Variants in KDM2B observed in about 807,000 individuals in gnomAD.
KDM2B encodes the protein lysine-specific demethylase 2B.
A neutral mutation model predicts 150.0 loss-of-function variants in KDM2B; 26 were observed. The observed-to-expected ratio is 0.17, with a 90% CI of 0.13 to 0.24. KDM2B has a LOEUF of 0.24. KDM2B is among the 10% of genes least tolerant of loss of function. The probability of loss-of-function intolerance (pLI) is 1.00; values close to 1 mark genes in which losing one functional copy is unlikely to be tolerated. For synonymous variants in KDM2B, 734 were observed against 729.5 expected (o/e 1.01, Z -0.10); for missense variants, 1,265 against 1,816.9 (o/e 0.70, Z 5.52).
At chr12:121,502,576 A>G (rs1454278878) in intron 11 of KDM2B, among the ~76,000 whole-genome samples, 1 of 151,742 alleles carries the variant, frequency 6.6e-6, no homozygotes, top group African/African-American at 2.4e-5. Context: ...AGCCAAGATC[A>G]CACCACTGCA....
chr12:121,430,590 G>A lies in KDM2B; in HGVS notation c.3830-121C>T, dbSNP rs374199237. On this transcript the variant is annotated intron_variant, in intron 22 of 22. Transcript: ENST00000377071. The surrounding 1 kb of genome is among the most constrained non-coding windows in gnomAD (Gnocchi z 4.4). ...AGCTCTACATATTCCAGTCCCTGCT[G>A]TGCTGCACTAAATAAAATGTTATTT... 11 of 695,538 alleles carry A rather than the reference G, an allele frequency of 1.6e-5. No homozygotes were observed. Among genetic ancestry groups the A allele is most frequent in the Middle Eastern group, 3.4e-4 (1 of 2,946 alleles). 43.1% of individuals were successfully genotyped at this position (695,538 alleles called of 1,614,324 possible).
At chr12:121,552,062 T>C (rs1314096376) in intron 4 of KDM2B, among the ~76,000 whole-genome samples, 2 of 152,220 alleles carry the variant, frequency 1.3e-5, no homozygotes, top group Non-Finnish European at 2.9e-5. Flanking sequence ...ACACAGCAAC[T>C]GGCTCAAGCT....
chr12:121,542,270 T>C (rs782660039), intron 6 of KDM2B, among the ~76,000 whole-genome samples: 1 of 152,180 alleles, frequency 6.6e-6, no homozygotes, highest in East Asian at 1.9e-4. Flanking sequence ...TGGAAGCGGA[T>C]CTTCCAGCCC....
intron 8 of KDM2B, among the ~76,000 whole-genome samples, chr12:121,530,089 A>G (rs888807861): frequency 2.0e-5 from 3 of 151,644 alleles, no homozygotes; most frequent in South Asian, 2.1e-4. Flanking sequence ...TTAGCCAGGC[A>G]TGGTGGCGGG....
chr12:121,517,439 C>A (rs1566367000), intron 9 of KDM2B, among the ~76,000 whole-genome samples: 1 of 151,598 alleles, frequency 6.6e-6, no homozygotes. Flanking sequence ...GGGGTCCCCA[C>A]CTTGGGCCAC....
chr12:121,529,204 C>G (rs192226953), intron 8 of KDM2B, among the ~76,000 whole-genome samples: 116 of 152,238 alleles, frequency 7.6e-4, no homozygotes, highest in African/African-American at 2.6e-3. Context: ...TGATACACCA[C>G]GTAAACAGAA....
intron 12 of KDM2B, among the ~76,000 whole-genome samples, chr12:121,460,537 T>C (rs1878962794): frequency 6.6e-6 from 1 of 152,222 alleles, no homozygotes; most frequent in African/African-American, 2.4e-5. Context: ...GTAGCCGAGA[T>C]ACAGGCATGT....
chr12:121,482,397 G>A (rs1882251847), intron 12 of KDM2B, among the ~76,000 whole-genome samples: 1 of 151,960 alleles, frequency 6.6e-6, no homozygotes, highest in Non-Finnish European at 1.5e-5. Flanking sequence ...CTGCCTCCTG[G>A]GTTCAAGCAA....
chr12:121,447,153 T>A (rs1189753905), intron 13 of KDM2B, among the ~76,000 whole-genome samples: 1 of 152,178 alleles, frequency 6.6e-6, no homozygotes, highest in African/African-American at 2.4e-5. Context: ...GTAGTATATA[T>A]CTGTGTGAGG....
Position 121,430,409 on chromosome 12 carries a change from T to A in KDM2B, c.3890A>T (p.His1297Leu). 2.5e-6 allele frequency: 4 copies of A among 1,614,156 alleles called. No homozygotes were observed. Among genetic ancestry groups the A allele is most frequent in the Non-Finnish European group, 3.4e-6 (4 of 1,180,026 alleles). The change falls in exon 23 of 23, where the codon CAT (histidine) becomes CTT (leucine). Residue 1297 changes from histidine (H) to leucine (L), a missense_variant. His to Leu is a moderately conservative substitution (Grantham distance 99). This residue lies in a region of KDM2B where 251 missense variants were observed against 397.8 expected (regional missense o/e 0.63). Transcript: ENST00000377071. The surrounding 1 kb of genome is among the most constrained non-coding windows in gnomAD (Gnocchi z 4.4). ...SFFKRCGNIC[H>L]IDLRYCKQVT... ...TTGCTTGCAGTACCTCAGGTCAATA[T>A]GACAGATGTTTCCACAGCGTTTGAA... is the stretch of plus-strand genomic sequence containing the variant.
At position 121,442,974 on chromosome 12, in the gene KDM2B, G is replaced by C; in HGVS notation, c.2604+18C>G. On this transcript the variant is annotated intron_variant, in intron 18 of 22. Coordinates refer to ENST00000377071, the MANE Select transcript of KDM2B (RefSeq NM_032590.5). The surrounding 1 kb of genome is among the most constrained non-coding windows in gnomAD (Gnocchi z 7.7). ...AACCGCTCAGGCCTGGGGCACAGGA[G>C]GGAGGGGAAGATGGTACCTTTTTCC... 8.1e-6 allele frequency: 13 copies of C among 1,612,962 alleles called. No individual in the cohort carries two copies. The highest frequency in any genetic ancestry group is 1.1e-5 in the Non-Finnish European group (13 of 1,179,504).
chr12:121,465,059 T>C (rs1879675853), intron 12 of KDM2B, among the ~76,000 whole-genome samples: 2 of 152,026 alleles, frequency 1.3e-5, no homozygotes, highest in African/African-American at 4.8e-5. Flanking sequence ...CTGGCTTAGA[T>C]GTCGTCTCCC....
chr12:121,450,395 A>G (rs1877036461), intron 13 of KDM2B, among the ~76,000 whole-genome samples: 1 of 152,048 alleles, frequency 6.6e-6, no homozygotes, highest in South Asian at 2.1e-4. Flanking sequence ...CATTTCTCCA[A>G]AGAAGACAGA....
intron 12 of KDM2B, among the ~76,000 whole-genome samples, chr12:121,489,883 A>G (rs1555299605): frequency 6.6e-6 from 1 of 152,108 alleles, no homozygotes; most frequent in Non-Finnish European, 1.5e-5. Context: ...ACTGGTCCTC[A>G]TTACAGCACA....
intron 6 of KDM2B, among the ~76,000 whole-genome samples, chr12:121,535,520 C>T (rs1042674811): frequency 1.3e-5 from 2 of 152,130 alleles, no homozygotes; most frequent in African/African-American, 2.4e-5. Context: ...TACTAAAACC[C>T]GTTGAATTGT....
At chr12:121,478,576 G>T (rs1376456251) in intron 12 of KDM2B, among the ~76,000 whole-genome samples, 1 of 151,098 alleles carries the variant, frequency 6.6e-6, no homozygotes, top group Non-Finnish European at 1.5e-5. Flanking sequence ...AACCAGGATG[G>T]TCTCGATCTT....
the KDM2B span, chr12:121,417,807 C>T: frequency 8.7e-6 from 14 of 1,613,990 alleles, no homozygotes; most frequent in South Asian, 5.5e-5. The surrounding 1 kb of genome is among the most constrained non-coding windows in gnomAD (Gnocchi z 5.0). Context: ...CTTTTTTACA[C>T]GTTCGTTTTT....
chr12:121,444,028 A>G lies in KDM2B; in HGVS notation c.2435T>C (p.Leu812Pro). 6.2e-7 allele frequency: 1 copy of G among 1,611,546 alleles called. No homozygotes were observed. Among genetic ancestry groups the G allele is most frequent in the Non-Finnish European group, 8.5e-7 (1 of 1,178,454 alleles). ...GGTCCGTACCCGCTTGCGTCCACTC[A>G]GCTCCTGGGGCTTCTCGTATTTCCG... ...KKRKYEKPQE[L>P]SGRKRASSLQ... Residue 812 changes from leucine to proline, a missense_variant, in exon 16 of 23, where the codon CTG becomes CCG. Transcript: ENST00000377071.
intron 12 of KDM2B, among the ~76,000 whole-genome samples, chr12:121,489,695 C>A (rs1213337074): frequency 1.3e-5 from 2 of 152,198 alleles, no homozygotes; most frequent in Non-Finnish European, 2.9e-5. Context: ...CTGCCTCAGC[C>A]TCCCGAAGTG....
Sources: allele counts gnomAD v4.1 joint callset (sites outside exome capture counted in the v4.1 genomes callset), GRCh38; gene constraint gnomAD v4.1.1; regional missense constraint gnomAD v4.1.1; non-coding constraint Gnocchi (gnomAD v3.1); transcripts MANE v1.5; gene names NCBI Gene and HGNC (gene_info 2026-07-23, HGNC 2026-07-21).